The following SLC1A7 variants were observed in gnomAD, a reference collection of about 807,000 sequenced individuals.
SLC1A7 encodes solute carrier family 1 member 7.
SLC1A7 carries 40 observed loss-of-function variants against 47.7 expected under a neutral mutation model. The observed-to-expected ratio is 0.84, with a 90% confidence interval of 0.65 to 1.09. SLC1A7 has a LOEUF of 1.09. SLC1A7 is among the 50% of genes least tolerant of loss of function. The pLI, the probability that SLC1A7 is intolerant of heterozygous loss-of-function variation, is 0.00. For missense variants in SLC1A7, 746 were observed against 769.5 expected (o/e 0.97, Z 0.36); for synonymous variants, 323 against 325.6 (o/e 0.99, Z 0.09).
Position 53,092,792 on chromosome 1 carries a change from G to GGGC in SLC1A7, c.798-8_798-6dup. On this transcript the variant is annotated splice_region_variant and splice_polypyrimidine_tract_variant and intron_variant, in intron 6 of 10. Coordinates refer to ENST00000371494, the MANE Select transcript of SLC1A7 (RefSeq NM_006671.6). ...ACAATGCCGAAGGGGAAATACCTGG[G>GGGC]GGCGGCGGGGCAGCCAGGCTCAGGA... 6.3e-7 allele frequency: 1 copy of GGGC among 1,590,896 alleles called. No homozygotes were observed. Among genetic ancestry groups the GGGC allele is most frequent in the Non-Finnish European group, 8.6e-7 (1 of 1,159,628 alleles).
chr1:53,137,491 G>T (rs989475303), intron 1 of SLC1A7, among the ~76,000 whole-genome samples: 1 of 152,014 alleles, frequency 6.6e-6, no homozygotes, highest in Non-Finnish European at 1.5e-5. Flanking sequence ...TGATTGATGA[G>T]GAGTTAGTTC....
At chr1:53,089,101 G>A in intron 9 of SLC1A7, 122 bp from the exon 10 acceptor site, 1 of 789,064 alleles carries the variant, frequency 1.3e-6, no homozygotes, top group African/African-American at 1.7e-5. Flanking sequence ...CCTGCAGCCA[G>A]ATGGCTTCCT....
rs375136400 is a variant in SLC1A7, at chr1:53,142,329, G to C, written c.121C>G (p.Arg41Gly). Residue 41 changes from arginine to glycine, a missense_variant, in exon 1 of 11, where the codon CGC becomes GGC. Coordinates refer to ENST00000371494, the MANE Select transcript of SLC1A7 (RefSeq NM_006671.6). ...GGGTGGCTGACCTGTGGTGAGAGGC[G>C]CCGGGTCCTCAAGAAGAAGCCGAGG... ...CLLGFFLRTR[R>G]LSPQEISYFQ... 7 of 1,561,428 alleles carry C rather than the reference G, an allele frequency of 4.5e-6. No homozygotes were observed. The Admixed American group carries it at 1.1e-4, about 26-fold the overall frequency.
rs3737988 is a variant in SLC1A7 at position 53,114,724 on chromosome 1, C to G, written c.431+34G>C. 9.4e-3 allele frequency: 15,001 copies of G among 1,590,398 alleles called. 430 individuals carry two copies. The East Asian group carries it at 0.11, about 11-fold the overall frequency. On this transcript the variant is annotated intron_variant, in intron 3 of 10. Coordinates refer to ENST00000371494, the MANE Select transcript of SLC1A7 (RefSeq NM_006671.6). Reference sequence around the variant, plus strand: ...CCTGGCAGGGCAGGCTCGGGCCTGGCGTTCCCAAGCGGGGTGTGGGTGGCA... The same window carrying G: ...CCTGGCAGGGCAGGCTCGGGCCTGGGGTTCCCAAGCGGGGTGTGGGTGGCA...
At chr1:53,121,937 C>T (rs1038081786) in intron 2 of SLC1A7, among the ~76,000 whole-genome samples, 4 of 146,320 alleles carry the variant, frequency 2.7e-5, no homozygotes, top group East Asian at 2.0e-4. Context: ...AGGGACGGGG[C>T]GGGGTGTGTG....
At chr1:53,113,046 C>T (rs1394369195) in intron 3 of SLC1A7, among the ~76,000 whole-genome samples, 2 of 152,182 alleles carry the variant, frequency 1.3e-5, no homozygotes, top group Non-Finnish European at 2.9e-5. Context: ...GACCCTCTTC[C>T]CACTGCAGCT....
rs910334921 is a variant in SLC1A7, at chr1:53,108,642, A to G, written c.432-2868T>C. 1.3e-5 allele frequency: 9 copies of G among 717,636 alleles called. No homozygotes were observed. In the African/African-American group the frequency reaches 1.4e-4, roughly 11 times the overall value. The allele number at this position is 717,636 out of a possible 1,614,324, so 44.5% of individuals were successfully genotyped here. On this transcript the variant is annotated intron_variant, in intron 3 of 10. Coordinates refer to ENST00000371494, the MANE Select transcript of SLC1A7 (RefSeq NM_006671.6). ...CAACTTTCTTCTTTCTGCCTGGAAC[A>G]TGGGGATAATAGCTAGAGCTTGAGC...
chr1:53,105,381 C>T (rs1316623408), intron 4 of SLC1A7, among the ~76,000 whole-genome samples: 3 of 152,172 alleles, frequency 2.0e-5, no homozygotes, highest in African/African-American at 4.8e-5. Flanking sequence ...ATTGACTCCT[C>T]GGAGCCTCAG....
intron 3 of SLC1A7, among the ~76,000 whole-genome samples, chr1:53,111,915 T>C (rs942083862): frequency 2.6e-5 from 4 of 152,164 alleles, no homozygotes; most frequent in Admixed American, 6.5e-5. Context: ...AGCCACGCGA[T>C]AGGAACAGCA....
At chr1:53,117,011 A>T (rs1644769689) in intron 2 of SLC1A7, among the ~76,000 whole-genome samples, 1 of 152,242 alleles carries the variant, frequency 6.6e-6, no homozygotes, top group South Asian at 2.1e-4. Flanking sequence ...GGAGCATCAG[A>T]ACCGCAAGGG....
chr1:53,088,832 C>T lies in SLC1A7; in HGVS notation c.1464+45G>A, dbSNP rs772797536. On this transcript the variant is annotated intron_variant, in intron 10 of 10. Transcript: ENST00000371494. Reference sequence around the variant, plus strand: ...AAGATCTGGTGCCCTGCCCACCCTGCGTGGCTCCACCCTCCTGGCAGCCTC... The same window carrying T: ...AAGATCTGGTGCCCTGCCCACCCTGTGTGGCTCCACCCTCCTGGCAGCCTC... 3.1e-5 allele frequency: 47 copies of T among 1,507,222 alleles called. 1 individual carries two copies. In the South Asian group the frequency reaches 4.3e-4, roughly 14 times the overall value. The allele number at this position is 1,507,222 out of a possible 1,614,324, so 93.4% of individuals were successfully genotyped here. A position where few individuals can be genotyped will look rare whatever the true frequency, so the allele number is the denominator to read the frequency against.
At chr1:53,115,258 G>A (rs1289654947) in intron 2 of SLC1A7, 2 of 515,910 alleles carry the variant, frequency 3.9e-6, no homozygotes, top group South Asian at 2.6e-5. Flanking sequence ...GACACTGTTG[G>A]GGGAGTGAGA....
In SLC1A7 at chr1:53,114,761, A is replaced by T. The variant is rs144354595; in HGVS notation, c.428T>A (p.Ile143Asn). The change falls in exon 3 of 11, where the codon ATC becomes AAC. Residue 143 changes from isoleucine to asparagine, a missense_variant. By Grantham distance (149) the Ile-to-Asn change is moderately radical (BLOSUM62 -3). Transcript: ENST00000371494. ...GGGTGTGGGTGGCAATAGTTACCGG[A>T]TGAGGTCCAACAGGGCATCGGCTGA... ...MSSADALLDL[I>N]RNMFPANLVE... 152 of 1,613,480 alleles carry T rather than the reference A, an allele frequency of 9.4e-5. No individual in the cohort carries two copies. In the African/African-American group the frequency reaches 1.6e-3, roughly 17 times the overall value.
At chr1:53,132,525 G>T (rs763553492) in intron 2 of SLC1A7, among the ~76,000 whole-genome samples, 3 of 152,302 alleles carry the variant, frequency 2.0e-5, no homozygotes, top group South Asian at 2.1e-4. Context: ...GCAGTTTTCT[G>T]GGTGGAACTT....
At position 53,089,867 on chromosome 1, in the gene SLC1A7, T is replaced by C. The variant is rs1644400338; in HGVS notation, c.1294A>G (p.Ile432Val). Residue 432 changes from isoleucine to valine, a missense_variant, in exon 9 of 11, where the codon ATC becomes GTC. Physicochemically the swap from Ile to Val is conservative, Grantham distance 29. Coordinates refer to ENST00000371494, the MANE Select transcript of SLC1A7 (RefSeq NM_006671.6). ...IPQAGLVTMV[I>V]VLTSVGLPTD... is the part of the protein sequence containing the mutation. Reference sequence around the variant, plus strand: ...GGCAGTCCCACGGAGGTGAGCACGATGACCATGGTGACGAGGCCGGCCTGG... The same window carrying C: ...GGCAGTCCCACGGAGGTGAGCACGACGACCATGGTGACGAGGCCGGCCTGG... 1.9e-6 allele frequency: 3 copies of C among 1,613,846 alleles called. No individual in the cohort carries two copies. Among genetic ancestry groups the C allele is most frequent in the Non-Finnish European group, 2.5e-6 (3 of 1,179,966 alleles).
Position 53,095,037 on chromosome 1 carries a change from C to T in SLC1A7, c.698-1477G>A, listed in dbSNP as rs148329813. Among the ~76,000 whole-genome samples the T allele has an allele frequency of 1.2e-3, 181 of 152,184 alleles. 1 individual carries two copies. In the East Asian group the frequency reaches 0.025, roughly 21 times the overall value. ...TATCTGCACCAACAGGCACAGGCAC[C>T]GGCAGATGTGGACACTGACAGGCAC... On this transcript the variant is annotated intron_variant, in intron 5 of 10. Transcript: ENST00000371494.
Position 53,089,845 on chromosome 1 carries a change from A to G in SLC1A7, c.1316T>C (p.Leu439Pro). 6.2e-7 allele frequency: 1 copy of G among 1,613,956 alleles called. No homozygotes were observed. The highest frequency in any genetic ancestry group is 8.5e-7 in the Non-Finnish European group (1 of 1,179,980). Residue 439 changes from leucine (L) to proline (P), a missense_variant, in exon 9 of 11, where the codon CTG becomes CCG. Physicochemically the swap from Leu to Pro is moderately conservative, Grantham distance 98. Transcript: ENST00000371494. ...TMVIVLTSVG[L>P]PTDDITLIIA... ...GATGAGGGTGATGTCATCGGTGGGC[A>G]GTCCCACGGAGGTGAGCACGATGAC...
In SLC1A7 at chr1:53,092,772, G is replaced by C. The variant is rs145631061; in HGVS notation, c.813C>G (p.Gly271=). The C allele has an allele frequency of 4.2e-5, 68 of 1,612,648 alleles. No homozygotes were observed. The African/African-American group carries it at 7.7e-4, about 18-fold the overall frequency. The change falls in exon 7 of 11, where the codon GGC becomes GGG. Residue 271 remains glycine (G), a synonymous_variant. Coordinates refer to ENST00000371494, the MANE Select transcript of SLC1A7 (RefSeq NM_006671.6). The part of the protein sequence containing the change: ...VAVAVWYFPF[G]IVFLIAGKIL... ...TCTTACCCGCAATGAGGAACACAAT[G>C]CCGAAGGGGAAATACCTGGGGGCGG... is the stretch of plus-strand genomic sequence containing the variant.
At chr1:53,125,983 G>T (rs897170564) in intron 2 of SLC1A7, among the ~76,000 whole-genome samples, 2 of 152,232 alleles carry the variant, frequency 1.3e-5, no homozygotes, top group African/African-American at 4.8e-5. Flanking sequence ...AGTCAGTAAA[G>T]CAAAAACAAA....
Sources: allele counts gnomAD v4.1 joint callset (sites outside exome capture counted in the v4.1 genomes callset), GRCh38; gene constraint gnomAD v4.1.1; transcripts MANE v1.5; gene names NCBI Gene and HGNC (gene_info 2026-07-23, HGNC 2026-07-21).